Variants in MYRIP observed in about 807,000 individuals in gnomAD.
MYRIP encodes the protein myosin VIIA and Rab interacting protein.
In MYRIP, 49 loss-of-function variants were observed where a neutral mutation model predicts 98.0. The observed-to-expected ratio is 0.50, with a 90% CI of 0.40 to 0.63. The LOEUF is 0.63. Among genes scored for constraint, MYRIP ranks in the 30% least tolerant of loss-of-function variants. MYRIP has a pLI of 0.00. For missense variants in MYRIP, 1,004 were observed against 1,058.2 expected (o/e 0.95, Z 0.71); for synonymous variants, 404 against 409.5 (o/e 0.99, Z 0.16).
At chr3:40,027,739 G>T (rs114488197) in intron 2 of MYRIP, among the ~76,000 whole-genome samples, 5 of 151,886 alleles carry the variant, frequency 3.3e-5, no homozygotes, top group Non-Finnish European at 7.4e-5. Context: ...AAAATCCTTA[G>T]CACCTGTAAT....
intron 10 of MYRIP, among the ~76,000 whole-genome samples, chr3:40,191,967 A>C (rs73067670): frequency 0.35 from 52,961 of 151,750 alleles, 10,108 homozygotes; most frequent in East Asian, 0.58. Flanking sequence ...TCTTCTGCTA[A>C]TCCTTGCAAG....
intron 2 of MYRIP, among the ~76,000 whole-genome samples, chr3:39,919,727 T>TGTGTGAGAGAGA (rs1553645683): frequency 8.1e-6 from 1 of 123,384 alleles, no homozygotes; most frequent in South Asian, 2.6e-4. Context: ...TGTGTGTGTG[T>TGTGTGAGAGAGA]GAGAGAGAGA....
intron 2 of MYRIP, among the ~76,000 whole-genome samples, chr3:39,947,674 G>A (rs1944933298): frequency 6.6e-6 from 1 of 152,114 alleles, no homozygotes; most frequent in Non-Finnish European, 1.5e-5. Context: ...AGGCTGAGGT[G>A]GGAGCATCAC....
chr3:39,912,460 G>T (rs1464621187), intron 2 of MYRIP, among the ~76,000 whole-genome samples: 3 of 152,294 alleles, frequency 2.0e-5, no homozygotes, highest in African/African-American at 7.2e-5. Context: ...AATTATCTTA[G>T]CTGCTCCAAT....
chr3:40,150,243 A>G (rs1950094897), intron 3 of MYRIP, among the ~76,000 whole-genome samples: 2 of 152,156 alleles, frequency 1.3e-5, no homozygotes, highest in Admixed American at 6.5e-5. Flanking sequence ...GGCATGCGCC[A>G]CCACACCCAG....
intron 11 of MYRIP, among the ~76,000 whole-genome samples, chr3:40,227,662 T>C (rs1473608800): frequency 6.6e-6 from 1 of 152,150 alleles, no homozygotes; most frequent in East Asian, 1.9e-4. Context: ...AAATACGAAA[T>C]AGTTAAAGAA....
intron 2 of MYRIP, among the ~76,000 whole-genome samples, chr3:39,910,434 G>T (rs1218860624): frequency 1.3e-5 from 2 of 152,174 alleles, no homozygotes; most frequent in African/African-American, 4.8e-5. Flanking sequence ...CTAAAACTTG[G>T]GATGTGTTCA....
chr3:40,069,607 T>G (rs1227131414), intron 3 of MYRIP, among the ~76,000 whole-genome samples: 1 of 152,144 alleles, frequency 6.6e-6, no homozygotes, highest in Middle Eastern at 3.2e-3. Flanking sequence ...CTCCCCCAGC[T>G]CCTGGCAACT....
intron 1 of MYRIP, among the ~76,000 whole-genome samples, chr3:39,870,838 C>G (rs1369254768): frequency 6.6e-6 from 1 of 152,160 alleles, no homozygotes; most frequent in African/African-American, 2.4e-5. Context: ...ACAGGGCTTT[C>G]TTTGGGTCTC....
At chr3:40,080,739 T>C (rs1948456668) in intron 3 of MYRIP, among the ~76,000 whole-genome samples, 1 of 151,062 alleles carries the variant, frequency 6.6e-6, no homozygotes, top group South Asian at 2.1e-4. Flanking sequence ...AAAAAACCAA[T>C]TTCTGACTTG....
intron 2 of MYRIP, among the ~76,000 whole-genome samples, chr3:39,992,686 C>T (rs1946208870): frequency 6.6e-6 from 1 of 152,202 alleles, no homozygotes; most frequent in Non-Finnish European, 1.5e-5. Flanking sequence ...ACTTTGGTGA[C>T]ACAGCATCCC....
At chr3:40,045,873 G>A (rs1019816603) in intron 3 of MYRIP, among the ~76,000 whole-genome samples, 2 of 152,126 alleles carry the variant, frequency 1.3e-5, no homozygotes, top group Non-Finnish European at 2.9e-5. Context: ...AAGGGGCTAT[G>A]GATGGATGGG....
intron 1 of MYRIP, among the ~76,000 whole-genome samples, chr3:39,818,229 A>G (rs1940984630): frequency 6.6e-6 from 1 of 152,192 alleles, no homozygotes; most frequent in Non-Finnish European, 1.5e-5. Flanking sequence ...ATATATTTTC[A>G]AATAACCCTC....
intron 1 of MYRIP, among the ~76,000 whole-genome samples, chr3:39,880,057 T>A (rs34208779): frequency 0.15 from 22,288 of 151,740 alleles, 1,663 homozygotes; most frequent in Middle Eastern, 0.19. Flanking sequence ...ATTATTTTTT[T>A]AATTTTATTA....
At chr3:39,877,723 C>G (rs1348227390) in intron 1 of MYRIP, among the ~76,000 whole-genome samples, 3 of 152,070 alleles carry the variant, frequency 2.0e-5, no homozygotes, top group Non-Finnish European at 4.4e-5. Flanking sequence ...AGAGGAGTAC[C>G]CGGCCATGTG....
chr3:39,923,431 A>G (rs1487298237), intron 2 of MYRIP, among the ~76,000 whole-genome samples: 1 of 152,160 alleles, frequency 6.6e-6, no homozygotes, highest in East Asian at 1.9e-4. Flanking sequence ...AAATGATACC[A>G]TACCTGCACA....
Position 40,190,016 on chromosome 3 carries a change from C to T in MYRIP, c.1218C>T (p.Ala406=), listed in dbSNP as rs1285709944. 2 of 1,614,122 alleles carry T rather than the reference C, an allele frequency of 1.2e-6. No individual in the cohort carries two copies. The highest frequency in any genetic ancestry group is 1.7e-6 in the Non-Finnish European group (2 of 1,180,016). The change falls in exon 10 of 17, where the codon GCC becomes GCT. Residue 406 remains alanine (A), a synonymous_variant. Transcript: ENST00000302541. ...DSEEDFDWSE[A]LSKLCPRSRA... is the part of the protein sequence containing the mutation. Reference sequence around the variant, plus strand: ...AGGAAGACTTTGACTGGAGTGAGGCCTTGAGCAAGCTGTGTCCCAGGTCCC... The same window carrying T: ...AGGAAGACTTTGACTGGAGTGAGGCTTTGAGCAAGCTGTGTCCCAGGTCCC...
In MYRIP at chr3:40,149,304, G is replaced by C. The variant is rs140278959; in HGVS notation, c.333-1744G>C. 8.9e-3 allele frequency among the ~76,000 whole-genome samples: 1,349 copies of C among 152,282 alleles called. 15 individuals carry two copies. The highest frequency in any genetic ancestry group is 0.025 in the South Asian group (121 of 4,822). ...TCTTTTCAACAACCAGCTCTTGAGT[G>C]AACTAATAGAGTGAGAACTCATTAC... On this transcript the variant is annotated intron_variant, in intron 3 of 16. Transcript: ENST00000302541.
At chr3:40,018,031 G>A (rs915832220) in intron 2 of MYRIP, among the ~76,000 whole-genome samples, 2 of 152,104 alleles carry the variant, frequency 1.3e-5, no homozygotes, top group Non-Finnish European at 2.9e-5. Flanking sequence ...TAAACTAGAA[G>A]TTTTCTCGTT....
Sources: gnomAD v4.1 joint callset for allele counts (sites outside exome capture counted in the v4.1 genomes callset) on GRCh38, gnomAD v4.1.1 for gene constraint, MANE v1.5 for transcripts, NCBI Gene and HGNC (gene_info 2026-07-23, HGNC 2026-07-21) for gene names.